The following ASPH variants were observed in gnomAD, a reference collection of about 807,000 sequenced individuals.
ASPH encodes aspartyl/asparaginyl beta-hydroxylase.
Under a neutral mutation model 118.4 loss-of-function variants are expected in ASPH, and 100 were observed. The observed-to-expected ratio is 0.84, with a 90% CI of 0.72 to 1.00. ASPH has a LOEUF of 1.00. ASPH is among the 50% of genes least tolerant of loss of function. ASPH has a pLI of 0.00. For missense variants in ASPH, 920 were observed against 919.5 expected (o/e 1.00, Z -0.01); for synonymous variants, 315 against 325.6 (o/e 0.97, Z 0.35).
At position 61,588,248 on chromosome 8, in the gene ASPH, A is replaced by AACACTTACAT. The variant is rs1840041290; in HGVS notation, c.977-4229_977-4220dup. ...AAGCACAAAGAAGAAAAGAAAAAGG[A>AACACTTACAT]ACACTTACATTTCAAATCCTTACTT... On this transcript the variant is annotated intron_variant, in intron 14 of 24. Transcript: ENST00000379454. Among the ~76,000 whole-genome samples, 3 of 152,364 alleles carry AACACTTACAT rather than the reference A, an allele frequency of 2.0e-5. No individual in the cohort carries two copies. The South Asian group carries it at 6.2e-4, about 32-fold the overall frequency.
At chr8:61,507,229 C>T (rs1324966042) in intron 24 of ASPH, among the ~76,000 whole-genome samples, 1 of 152,196 alleles carries the variant, frequency 6.6e-6, no homozygotes, top group African/African-American at 2.4e-5. Flanking sequence ...TTAAGAACCA[C>T]AGGCTTGCAG....
At chr8:61,700,876 G>C (rs1035468438) in intron 1 of ASPH, among the ~76,000 whole-genome samples, 2 of 151,924 alleles carry the variant, frequency 1.3e-5, no homozygotes, top group Middle Eastern at 3.2e-3. Context: ...TAAATAATTC[G>C]GCATGAGTAT....
At chr8:61,645,343 T>C (rs191001233) in intron 6 of ASPH, among the ~76,000 whole-genome samples, 3 of 152,310 alleles carry the variant, frequency 2.0e-5, no homozygotes, top group African/African-American at 7.2e-5. Flanking sequence ...TTTAAGAATA[T>C]CAAATTCCTC....
intron 17 of ASPH, among the ~76,000 whole-genome samples, chr8:61,564,117 CA>C (rs1299384649): frequency 6.6e-6 from 1 of 151,886 alleles, no homozygotes; most frequent in Non-Finnish European, 1.5e-5. Context: ...CAGAGGATGC[CA>C]AAAAAGTTCA....
At chr8:61,593,327 TA>T (rs1841703636) in intron 14 of ASPH, among the ~76,000 whole-genome samples, 1 of 152,184 alleles carries the variant, frequency 6.6e-6, no homozygotes, top group Non-Finnish European at 1.5e-5. Context: ...GAAGAAGAAG[TA>T]AATTTGGGCA....
At chr8:61,525,853 T>A in intron 22 of ASPH, 124 bp downstream of exon 22, 1 of 1,377,416 alleles carries the variant, frequency 7.3e-7, no homozygotes. Context: ...ATCTAGGTTT[T>A]TTTGGGCCCC....
intron 15 of ASPH, chr8:61,578,907 A>G (rs879143998): frequency 8.3e-5 from 133 of 1,611,274 alleles, no homozygotes; most frequent in South Asian, 4.3e-4. Flanking sequence ...GCTGTACGAA[A>G]AGGAGATCCG....
At chr8:61,590,709 C>T (rs1840860890) in intron 14 of ASPH, among the ~76,000 whole-genome samples, 1 of 152,094 alleles carries the variant, frequency 6.6e-6, no homozygotes, top group South Asian at 2.1e-4. Flanking sequence ...AAATTGGCCC[C>T]TAATCTCCAT....
At chr8:61,613,446 C>G (rs1275889320) in intron 14 of ASPH, among the ~76,000 whole-genome samples, 1 of 152,160 alleles carries the variant, frequency 6.6e-6, no homozygotes, top group East Asian at 1.9e-4. Context: ...TTTTGTTTCT[C>G]TGGAGAACTC....
At chr8:61,571,590 T>C (rs1333686948) in intron 16 of ASPH, among the ~76,000 whole-genome samples, 1 of 152,230 alleles carries the variant, frequency 6.6e-6, no homozygotes, top group East Asian at 1.9e-4. Context: ...TTTTTCTGAA[T>C]ATTTTCAATC....
intron 1 of ASPH, among the ~76,000 whole-genome samples, chr8:61,713,435 A>G (rs1422110209): frequency 6.6e-6 from 1 of 152,176 alleles, no homozygotes; most frequent in Non-Finnish European, 1.5e-5. Flanking sequence ...CTCAGAAAAC[A>G]AAGAGTCTAA....
chr8:61,646,850 AT>A lies in ASPH; in HGVS notation c.518del (p.Asp173ValfsTer20), dbSNP rs80163539. On this transcript the variant is annotated frameshift_variant, in exon 6 of 25. Coordinates refer to ENST00000379454, the MANE Select transcript of ASPH (RefSeq NM_004318.4). LOFTEE classifies it high-confidence loss of function. ...CTTGTTGTGGTTCTCCTGTGGGTCC[AT>A]CTTCTTGTTGCAAGTCTTCTCCCTC... ...HVEGEDLQQE[D>X]GPTGEPQQED... 9.6e-4 allele frequency: 1,551 copies of A among 1,613,976 alleles called. 12 individuals are homozygous for A. The African/African-American group carries it at 0.018, about 18-fold the overall frequency.
At chr8:61,544,262 T>C (rs1469198393) in intron 21 of ASPH, among the ~76,000 whole-genome samples, 3 of 152,214 alleles carry the variant, frequency 2.0e-5, no homozygotes, top group Non-Finnish European at 4.4e-5. Context: ...CCTCTAATTG[T>C]TGTATGTCTT....
intron 1 of ASPH, among the ~76,000 whole-genome samples, chr8:61,700,344 G>T (rs555718403): frequency 2.6e-5 from 4 of 152,226 alleles, no homozygotes; most frequent in African/African-American, 9.6e-5. Flanking sequence ...TTCCCCTCCT[G>T]CCCTGCTGCA....
intron 1 of ASPH, among the ~76,000 whole-genome samples, chr8:61,707,523 T>G (rs1554595746): frequency 1.3e-5 from 2 of 152,174 alleles, no homozygotes; most frequent in Non-Finnish European, 2.9e-5. Flanking sequence ...ACTTGGGGGT[T>G]AAAAAATGGC....
At chr8:61,560,299 C>G (rs923394469) in intron 18 of ASPH, among the ~76,000 whole-genome samples, 3 of 152,124 alleles carry the variant, frequency 2.0e-5, no homozygotes, top group Non-Finnish European at 4.4e-5. Flanking sequence ...CCGCAAAAAG[C>G]CACAGACTGG....
At chr8:61,623,062 G>T (rs1172545259) in intron 13 of ASPH, among the ~76,000 whole-genome samples, 1 of 152,088 alleles carries the variant, frequency 6.6e-6, no homozygotes, top group African/African-American at 2.4e-5. Context: ...ATCCACTCAC[G>T]ATGAAATTAA....
intron 1 of ASPH, among the ~76,000 whole-genome samples, chr8:61,693,769 C>G (rs1389288486): frequency 6.6e-6 from 1 of 152,154 alleles, no homozygotes; most frequent in African/African-American, 2.4e-5. Flanking sequence ...CCTGCATATC[C>G]CCTCTTCACC....
chr8:61,589,618 C>T (rs1303568858), intron 14 of ASPH, among the ~76,000 whole-genome samples: 1 of 152,216 alleles, frequency 6.6e-6, no homozygotes, highest in Non-Finnish European at 1.5e-5. Flanking sequence ...GCACCCTACT[C>T]TTGAACTACA....
Sources: allele counts gnomAD v4.1 joint callset (sites outside exome capture counted in the v4.1 genomes callset), GRCh38; gene constraint gnomAD v4.1.1; transcripts MANE v1.5; gene names NCBI Gene and HGNC (gene_info 2026-07-23, HGNC 2026-07-21).